SUMF1: variants seen among roughly 807,000 people sequenced by gnomAD.
SUMF1 encodes sulfatase modifying factor 1.
In SUMF1, 48 loss-of-function variants were observed where a neutral mutation model predicts 47.6. The ratio of observed to expected loss-of-function variants is 1.01; its 90% CI spans 0.80 to 1.28. The LOEUF is 1.28. Among genes scored for constraint, SUMF1 ranks in the 50% most tolerant of loss-of-function variants. The pLI is 0.00. For synonymous variants in SUMF1, 230 were observed against 192.1 expected (o/e 1.20, Z -1.63); for missense variants, 571 against 485.4 (o/e 1.18, Z -1.66).
chr3:4,113,584 C>T (rs1483892478), intron 8 of SUMF1, among the ~76,000 whole-genome samples: 1 of 151,884 alleles, frequency 6.6e-6, no homozygotes, highest in East Asian at 1.9e-4. Flanking sequence ...ACTATAGTCA[C>T]CCTACTCTGC....
At chr3:4,360,870 A>G (rs1047792852), downstream of SUMF1, among the ~76,000 whole-genome samples, 1 of 152,172 alleles carries the variant, frequency 6.6e-6, no homozygotes, top group South Asian at 2.1e-4. Context: ...CGGCATGGGA[A>G]GCAAATGCTG....
At chr3:4,367,136 G>A (rs557322798) in intron 8 of SUMF1, among the ~76,000 whole-genome samples, 2 of 152,138 alleles carry the variant, frequency 1.3e-5, no homozygotes, top group South Asian at 2.1e-4. Flanking sequence ...TACTGGGGGG[G>A]TGCCTCACAG....
chr3:4,294,290 C>T (rs540812946), intron 8 of SUMF1, among the ~76,000 whole-genome samples: 4 of 152,198 alleles, frequency 2.6e-5, no homozygotes, highest in East Asian at 3.9e-4. Context: ...AGTAGTTACA[C>T]GTGGCCACGT....
At chr3:4,402,918 G>A (rs1291410434) in intron 7 of SUMF1, among the ~76,000 whole-genome samples, 3 of 152,152 alleles carry the variant, frequency 2.0e-5, no homozygotes, top group East Asian at 1.9e-4. Context: ...AGATCAACAC[G>A]GGAGAAAAAT....
chr3:4,394,439 TG>T (rs139023203), intron 7 of SUMF1, among the ~76,000 whole-genome samples: 2,271 of 152,282 alleles, frequency 0.015, 23 homozygotes, highest in Admixed American at 0.02. Flanking sequence ...ATTATAGGCA[TG>T]AGCCACAGCA....
chr3:4,270,271 T>C (rs146791923), intron 8 of SUMF1, among the ~76,000 whole-genome samples: 1 of 152,098 alleles, frequency 6.6e-6, no homozygotes, highest in Non-Finnish European at 1.5e-5. Flanking sequence ...ATACTGACTA[T>C]AGGTGATAAA....
At chr3:4,175,157 C>G (rs894183717) in intron 8 of SUMF1, among the ~76,000 whole-genome samples, 2 of 152,212 alleles carry the variant, frequency 1.3e-5, no homozygotes, top group Non-Finnish European at 2.9e-5. Context: ...ACGTCCCTGT[C>G]TGACAGTTCC....
chr3:4,061,096 G>A (rs1695270354), intron 9 of SUMF1, among the ~76,000 whole-genome samples: 2 of 152,130 alleles, frequency 1.3e-5, no homozygotes, highest in Admixed American at 1.3e-4. Flanking sequence ...AACTTTACCA[G>A]AGTTTAATTG....
intron 8 of SUMF1, chr3:4,303,291 G>C: frequency 1.4e-6 from 2 of 1,395,446 alleles, no homozygotes; most frequent in Non-Finnish European, 1.9e-6. Context: ...TGAGGCGGTG[G>C]GGCCACGGGA....
chr3:4,203,953 G>T (rs1015725497), intron 8 of SUMF1, among the ~76,000 whole-genome samples: 5 of 146,314 alleles, frequency 3.4e-5, no homozygotes, highest in African/African-American at 5.2e-5. Context: ...AAAAGTTGTT[G>T]TAGTTATTAT....
At chr3:4,069,119 C>G (rs1369522417) in intron 8 of SUMF1, among the ~76,000 whole-genome samples, 1 of 152,192 alleles carries the variant, frequency 6.6e-6, no homozygotes, top group East Asian at 1.9e-4. Context: ...TGTTATGACA[C>G]TGTCCTCAAG....
At chr3:4,326,521 G>GATTTTTTTTT (rs1553556914) in intron 8 of SUMF1, among the ~76,000 whole-genome samples, 3 of 90,528 alleles carry the variant, frequency 3.3e-5, no homozygotes, top group Non-Finnish European at 6.1e-5. Context: ...TTTTTCCAAG[G>GATTTTTTTTT]GTTTTTTTTT....
At chr3:4,072,558 A>C (rs112405245) in intron 8 of SUMF1, among the ~76,000 whole-genome samples, 15,354 of 152,136 alleles carry the variant, frequency 0.1, 1,562 homozygotes, top group African/African-American at 0.23. Context: ...CATGTTCTAA[A>C]CCATCTCAAG....
At chr3:4,306,303 A>C (rs1698188201) in intron 8 of SUMF1, among the ~76,000 whole-genome samples, 1 of 152,202 alleles carries the variant, frequency 6.6e-6, no homozygotes, top group Admixed American at 6.5e-5. Flanking sequence ...AAATTATATA[A>C]GTATCTCCCT....
intron 1 of SUMF1, among the ~76,000 whole-genome samples, chr3:4,457,009 C>CGT (rs765895217): frequency 1.1e-4 from 7 of 64,684 alleles, no homozygotes; most frequent in South Asian, 4.8e-4. Context: ...TATATATATA[C>CGT]GTGTGTGTAC....
intron 9 of SUMF1, among the ~76,000 whole-genome samples, chr3:4,056,617 C>T (rs1319076297): frequency 6.6e-6 from 1 of 152,070 alleles, no homozygotes; most frequent in Admixed American, 6.6e-5. Context: ...TAAAATCATA[C>T]CACTGCACTC....
intron 8 of SUMF1, among the ~76,000 whole-genome samples, chr3:4,338,524 A>G (rs1699201491): frequency 1.3e-5 from 2 of 152,186 alleles, no homozygotes; most frequent in Non-Finnish European, 1.5e-5. Context: ...AATCTAGTAC[A>G]TGCTAAGTGG....
chr3:4,437,452 A>T (rs1702438620), intron 3 of SUMF1, among the ~76,000 whole-genome samples: 1 of 152,160 alleles, frequency 6.6e-6, no homozygotes, highest in Non-Finnish European at 1.5e-5. Flanking sequence ...GAAATTGAGG[A>T]AAAAGAAGAG....
chr3:4,360,080 A>G (rs566658862), downstream of SUMF1, among the ~76,000 whole-genome samples: 4 of 152,320 alleles, frequency 2.6e-5, no homozygotes, highest in African/African-American at 9.6e-5. Flanking sequence ...CACCATAAAT[A>G]TAACAATGTA....
Sources: gnomAD v4.1 joint callset for allele counts (sites outside exome capture counted in the v4.1 genomes callset) on GRCh38, gnomAD v4.1.1 for gene constraint, MANE v1.5 for transcripts, NCBI Gene and HGNC (gene_info 2026-07-23, HGNC 2026-07-21) for gene names.